Variants in PRKCB observed in about 807,000 individuals in gnomAD.
The protein encoded by PRKCB is protein kinase C beta, also known as protein kinase C beta type.
A neutral mutation model predicts 81.5 loss-of-function variants in PRKCB; 13 were observed. The ratio of observed to expected loss-of-function variants is 0.16; its 90% CI spans 0.10 to 0.25. PRKCB has a LOEUF of 0.25. Among genes scored for constraint, PRKCB ranks in the 10% least tolerant of loss-of-function variants. PRKCB has a pLI of 1.00. For missense variants in PRKCB, 509 were observed against 875.7 expected (o/e 0.58, Z 5.29); for synonymous variants, 335 against 321.4 (o/e 1.04, Z -0.45).
chr16:24,177,014 C>T (rs575096642), intron 12 of PRKCB, among the ~76,000 whole-genome samples: 2 of 152,254 alleles, frequency 1.3e-5, no homozygotes, highest in African/African-American at 2.4e-5. Context: ...TTTCACTCTA[C>T]ATGATTTTCA....
chr16:23,901,843 T>C (rs1333214278), intron 2 of PRKCB, among the ~76,000 whole-genome samples: 1 of 152,196 alleles, frequency 6.6e-6, no homozygotes, highest in Non-Finnish European at 1.5e-5. Flanking sequence ...TCAGTCTGGG[T>C]TTGCAAATAC....
At chr16:23,911,157 A>G (rs1183361594) in intron 2 of PRKCB, among the ~76,000 whole-genome samples, 4 of 1,950 alleles carry the variant, frequency 2.1e-3, no homozygotes, top group African/African-American at 7.3e-3. Flanking sequence ...TTTTTTTGAG[A>G]CAAGGTCACC....
At position 24,041,041 on chromosome 16, in the gene PRKCB, CA is replaced by C. The variant is rs1307602908; in HGVS notation, c.529+5495del. Among the ~76,000 whole-genome samples the C allele has an allele frequency of 3.4e-5, 5 of 146,884 alleles. No homozygotes were observed. The East Asian group carries it at 1.0e-3, about 29-fold the overall frequency. ...GGTTTGTGAAGCCTGCGTGTTCATA[CA>C]TGCAACAATAATTTTTTTTGTGTGT... On this transcript the variant is annotated intron_variant, in intron 5 of 16. Transcript: ENST00000643927.
intron 10 of PRKCB, among the ~76,000 whole-genome samples, chr16:24,161,251 A>G (rs899177882): frequency 2.0e-5 from 3 of 152,250 alleles, no homozygotes; most frequent in African/African-American, 4.8e-5. Context: ...AAGCAAAGTT[A>G]CATCAGAAAT....
rs545223110 is a variant in PRKCB at position 23,924,613 on chromosome 16, G to C, written c.206-63895G>C. On this transcript the variant is annotated intron_variant, in intron 2 of 16. Coordinates refer to ENST00000643927, the MANE Select transcript of PRKCB (RefSeq NM_002738.7). The stretch of plus-strand genomic sequence containing the variant: ...ACACAAGCCTCTAATATTTATCTTT[G>C]TTTAGTTACTTCCTAATAAACTAAG... Among the ~76,000 whole-genome samples, 5 of 151,898 alleles carry C rather than the reference G, an allele frequency of 3.3e-5. No homozygotes were observed. The East Asian group carries it at 9.6e-4, about 29-fold the overall frequency.
At position 24,023,604 on chromosome 16, in the gene PRKCB, G is replaced by A. The variant is rs575225919; in HGVS notation, c.289-8532G>A. 7.9e-5 allele frequency among the ~76,000 whole-genome samples: 12 copies of A among 152,174 alleles called. No individual in the cohort carries two copies. The South Asian group carries it at 2.1e-3, about 26-fold the overall frequency. ...AGGATGGTCTTGATCTCCTGACCTC[G>A]TGATCCGCCAGCCTCGGCCTCCCAA... On this transcript the variant is annotated intron_variant, in intron 3 of 16. Coordinates refer to ENST00000643927, the MANE Select transcript of PRKCB (RefSeq NM_002738.7).
intron 3 of PRKCB, among the ~76,000 whole-genome samples, chr16:24,013,649 G>A (rs916551714): frequency 2.0e-5 from 3 of 152,084 alleles, no homozygotes; most frequent in Admixed American, 2.0e-4. Flanking sequence ...AGGTGGGGTT[G>A]GCATCCGTTG....
chr16:24,218,857 G>A lies in PRKCB; in HGVS notation c.*4041G>A. The A allele has an allele frequency of 1.0e-6, 1 of 985,450 alleles. No homozygotes were observed. The highest frequency in any genetic ancestry group is 1.2e-6 in the Non-Finnish European group (1 of 829,950). 61.0% of individuals were successfully genotyped at this position (985,450 alleles called of 1,614,324 possible). ...TGTCTTGTAATAAAACAGCCATGGG[G>A]TTGTCCCTCCAGTCCGAGAGACTGT... is the stretch of plus-strand genomic sequence containing the variant. On this transcript the variant is annotated 3_prime_UTR_variant, in exon 17 of 17. Coordinates refer to ENST00000643927, the MANE Select transcript of PRKCB (RefSeq NM_002738.7).
rs577564888 is a variant in PRKCB, at chr16:23,878,745, T to C, written c.205+41339T>C. Among the ~76,000 whole-genome samples the C allele has an allele frequency of 7.9e-5, 12 of 152,304 alleles. No individual in the cohort carries two copies. In the South Asian group the frequency reaches 1.4e-3, roughly 18 times the overall value. ...GAGGTGAATTTGCAAATAATGAGGATTGACTATAACCCCTGTTATTAGCTC... is the reference window on the plus strand; with the variant it reads ...GAGGTGAATTTGCAAATAATGAGGACTGACTATAACCCCTGTTATTAGCTC... On this transcript the variant is annotated intron_variant, in intron 2 of 16. Transcript: ENST00000643927.
chr16:24,073,683 C>T (rs1966143465), intron 5 of PRKCB, among the ~76,000 whole-genome samples: 1 of 152,184 alleles, frequency 6.6e-6, no homozygotes, highest in African/African-American at 2.4e-5. Context: ...CCCCTAGCCC[C>T]TAAGCCATGT....
intron 2 of PRKCB, among the ~76,000 whole-genome samples, chr16:23,846,262 C>T (rs1475498994): frequency 2.1e-5 from 2 of 96,800 alleles, no homozygotes; most frequent in Non-Finnish European, 4.0e-5. Flanking sequence ...TAGTAGATAT[C>T]TGTTGAATAT....
rs749465077 is a variant in PRKCB, at chr16:24,035,504, C to G, written c.486C>G (p.Ile162Met). 6.2e-7 allele frequency: 1 copy of G among 1,614,200 alleles called. No homozygotes were observed. Among genetic ancestry groups the G allele is most frequent in the Non-Finnish European group, 8.5e-7 (1 of 1,180,026 alleles). ...GTDHTERRGRIYIQAHIDRDV... is the reference protein window; with the variant it reads ...GTDHTERRGRMYIQAHIDRDV... ...ACCACACGGAGCGCCGCGGCCGCAT[C>G]TACATCCAGGCCCACATCGACAGGG... The change falls in exon 5 of 17, where the codon ATC becomes ATG. Residue 162 changes from isoleucine (I) to methionine (M), a missense_variant. Around this residue, in one of 6 missense-constraint regions of PRKCB, gnomAD observed 184 missense variants for 362.9 expected, o/e 0.51. Transcript: ENST00000643927.
chr16:24,017,152 A>G (rs1965290353), intron 3 of PRKCB, among the ~76,000 whole-genome samples: 1 of 152,222 alleles, frequency 6.6e-6, no homozygotes, highest in Non-Finnish European at 1.5e-5. Flanking sequence ...ATACTATGGT[A>G]TGGTGCAACG....
intron 2 of PRKCB, among the ~76,000 whole-genome samples, chr16:23,858,857 C>T (rs1360050670): frequency 2.6e-5 from 4 of 152,058 alleles, no homozygotes; most frequent in Admixed American, 2.0e-4. Context: ...CATTGAATGT[C>T]CACAGCACCC....
At chr16:23,857,030 T>A (rs1261226676) in intron 2 of PRKCB, among the ~76,000 whole-genome samples, 2 of 152,148 alleles carry the variant, frequency 1.3e-5, no homozygotes, top group Non-Finnish European at 2.9e-5. Context: ...ATAAATGTAG[T>A]GCTTTGAATT....
chr16:24,068,152 C>A (rs1596535203), intron 5 of PRKCB, among the ~76,000 whole-genome samples: 1 of 152,292 alleles, frequency 6.6e-6, no homozygotes, highest in South Asian at 2.1e-4. Context: ...CTCCTTTTAA[C>A]TGGGTCCTGA....
At chr16:23,883,653 G>C (rs570902746) in intron 2 of PRKCB, among the ~76,000 whole-genome samples, 1 of 152,286 alleles carries the variant, frequency 6.6e-6, no homozygotes, top group South Asian at 2.1e-4. Context: ...TTGTCTGCAC[G>C]GGCAGCAGTG....
chr16:24,119,709 A>G (rs1243687047), intron 8 of PRKCB, among the ~76,000 whole-genome samples: 1 of 152,090 alleles, frequency 6.6e-6, no homozygotes, highest in Non-Finnish European at 1.5e-5. Flanking sequence ...CTTCTGTCCT[A>G]CCCTGGCTCT....
intron 3 of PRKCB, 113 bp from the exon 4 acceptor site, chr16:24,032,023 C>A: frequency 1.4e-6 from 1 of 701,362 alleles, no homozygotes; most frequent in Non-Finnish European, 2.5e-6. Context: ...GTACAATGAC[C>A]TCTGGGGACC....
Sources: allele counts gnomAD v4.1 joint callset (sites outside exome capture counted in the v4.1 genomes callset), GRCh38; gene constraint gnomAD v4.1.1; regional missense constraint gnomAD v4.1.1; transcripts MANE v1.5; gene names NCBI Gene and HGNC (gene_info 2026-07-23, HGNC 2026-07-21).